SLC4A7: variants seen among roughly 807,000 people sequenced by gnomAD.
SLC4A7 encodes the protein sodium bicarbonate cotransporter 3.
SLC4A7 carries 51 observed loss-of-function variants against 137.6 expected under a neutral mutation model. The ratio of observed to expected loss-of-function variants is 0.37; its 90% CI spans 0.30 to 0.47. The LOEUF (loss-of-function observed/expected upper bound fraction) is 0.47. Among genes scored for constraint, SLC4A7 ranks in the 20% least tolerant of loss-of-function variants. The pLI is 1.00. For synonymous variants in SLC4A7, 542 were observed against 518.6 expected, an observed-to-expected ratio of 1.05 and a Z score of -0.61; for missense variants, 1,247 against 1,525.4, an observed-to-expected ratio of 0.82 and a Z score of 3.04.
At chr3:27,465,700 C>T (rs988117897) in intron 1 of SLC4A7, among the ~76,000 whole-genome samples, 18 of 151,918 alleles carry the variant, frequency 1.2e-4, no homozygotes, top group Admixed American at 1.3e-4. Flanking sequence ...TGGCTCACGC[C>T]TGTAATCCCA....
chr3:27,450,372 T>C (rs965722818), intron 2 of SLC4A7, among the ~76,000 whole-genome samples: 1 of 152,178 alleles, frequency 6.6e-6, no homozygotes, highest in Non-Finnish European at 1.5e-5. Flanking sequence ...GTGGTGTTGG[T>C]TGCATAATAT....
chr3:27,392,129 T>C (rs2051621964), intron 20 of SLC4A7, among the ~76,000 whole-genome samples: 1 of 152,310 alleles, frequency 6.6e-6, no homozygotes, highest in African/African-American at 2.4e-5. Context: ...TGACTTCAAA[T>C]ACATAAAACA....
In SLC4A7 at chr3:27,373,566, A is replaced by G. The variant is rs1346162028; in HGVS notation, c.*3198T>C. 6.6e-6 allele frequency: 1 copy of G among 152,176 alleles called. No homozygotes were observed. Among genetic ancestry groups the G allele is most frequent in the East Asian group, 1.9e-4 (1 of 5,208 alleles). The allele number at this position is 152,176 out of a possible 1,614,324, so 9.4% of individuals were successfully genotyped here. On this transcript the variant is annotated 3_prime_UTR_variant, in exon 26 of 26. Coordinates refer to ENST00000454389, the MANE Select transcript of SLC4A7 (RefSeq NM_001321103.2). ...CACAGTTGAAATCTGAGCACTTTAA[A>G]ACAGGATTCACATGTTAAACTGCTG...
chr3:27,420,871 A>G, intron 9 of SLC4A7, 84 bp from the exon 10 acceptor site: 5 of 901,546 alleles, frequency 5.5e-6, no homozygotes, highest in Non-Finnish European at 8.6e-6. Context: ...AACCATTCAA[A>G]TATAAACAAA....
chr3:27,374,512 A>C lies in SLC4A7; in HGVS notation c.*2252T>G, dbSNP rs1266834715. The C allele has an allele frequency of 6.6e-6, 1 of 152,510 alleles. No homozygotes were observed. The highest frequency in any genetic ancestry group is 1.5e-5 in the Non-Finnish European group (1 of 67,920). The allele number at this position is 152,510 out of a possible 1,614,324, so 9.4% of individuals were successfully genotyped here. ...AGAAATATAATCACTTAAAACAAGCAGTTAATTACCTAAACATGAGTTACC... is the reference window on the plus strand; with the variant it reads ...AGAAATATAATCACTTAAAACAAGCCGTTAATTACCTAAACATGAGTTACC... On this transcript the variant is annotated 3_prime_UTR_variant, in exon 26 of 26. Coordinates refer to ENST00000454389, the MANE Select transcript of SLC4A7 (RefSeq NM_001321103.2).
At chr3:27,475,319 T>C (rs2059419849) in intron 1 of SLC4A7, among the ~76,000 whole-genome samples, 1 of 150,990 alleles carries the variant, frequency 6.6e-6, no homozygotes, top group Non-Finnish European at 1.5e-5. Flanking sequence ...ATACACAGTA[T>C]TCTACCTGAT....
intron 1 of SLC4A7, among the ~76,000 whole-genome samples, chr3:27,479,157 G>A (rs1207165733): frequency 2.0e-5 from 3 of 152,238 alleles, no homozygotes; most frequent in Non-Finnish European, 4.4e-5. Context: ...GCTCACGCCT[G>A]TAATCCCAGC....
At chr3:27,473,302 C>G (rs1445606375) in intron 1 of SLC4A7, among the ~76,000 whole-genome samples, 2 of 151,934 alleles carry the variant, frequency 1.3e-5, no homozygotes, top group East Asian at 3.9e-4. Context: ...ATAGCAAGAC[C>G]TCATCTCTTA....
rs138421293 is a variant in SLC4A7, at chr3:27,458,785, T to A, written c.61-6287A>T. 4.3e-4 allele frequency among the ~76,000 whole-genome samples: 66 copies of A among 152,162 alleles called. No individual in the cohort carries two copies. The Middle Eastern group carries it at 0.01, about 24-fold the overall frequency. On this transcript the variant is annotated intron_variant, in intron 1 of 25. Transcript: ENST00000454389. ...GTGGGCAGATTACCTGAGGTCAGGT[T>A]CAAGACCAGCCTGGCCAACGTGGTG...
chr3:27,402,452 C>A (rs1404551917), intron 15 of SLC4A7, among the ~76,000 whole-genome samples: 1 of 152,120 alleles, frequency 6.6e-6, no homozygotes, highest in Non-Finnish European at 1.5e-5. Flanking sequence ...GTAATCCCAG[C>A]ACTTTGGGAG....
intron 13 of SLC4A7, among the ~76,000 whole-genome samples, chr3:27,405,838 A>C (rs566047835): frequency 1.3e-5 from 2 of 152,332 alleles, no homozygotes; most frequent in African/African-American, 4.8e-5. Flanking sequence ...AAGATAGAGA[A>C]AATGAAAGAC....
chr3:27,409,953 C>A (rs2053746760), intron 12 of SLC4A7, among the ~76,000 whole-genome samples: 1 of 152,098 alleles, frequency 6.6e-6, no homozygotes, highest in Non-Finnish European at 1.5e-5. Flanking sequence ...AATTATTATC[C>A]AAATACACTT....
chr3:27,389,828 A>T, intron 22 of SLC4A7, 103 bp downstream of exon 22: 1 of 873,272 alleles, frequency 1.1e-6, no homozygotes, highest in Non-Finnish European at 1.7e-6. Context: ...TAAGGTACTT[A>T]AAACGCATTA....
At chr3:27,443,032 C>T (rs11707779) in intron 3 of SLC4A7, among the ~76,000 whole-genome samples, 66,599 of 104,954 alleles carry the variant, frequency 0.63, 20,470 homozygotes, top group East Asian at 0.9. Flanking sequence ...TTCTTTTTTT[C>T]TTTTTTTTTT....
At chr3:27,413,276 A>C (rs1005492887) in intron 11 of SLC4A7, among the ~76,000 whole-genome samples, 1 of 152,212 alleles carries the variant, frequency 6.6e-6, no homozygotes, top group East Asian at 1.9e-4. Context: ...AAGAAGAAAT[A>C]AGCTAATTGT....
chr3:27,418,669 T>C (rs995736510), intron 10 of SLC4A7, 37 bp from the exon 11 acceptor site: 8 of 1,350,558 alleles, frequency 5.9e-6, no homozygotes, highest in Admixed American at 4.1e-5. Flanking sequence ...GATTTTAAAG[T>C]TGAAAAAAAT....
chr3:27,386,201 TAA>T (rs34806095), intron 22 of SLC4A7, among the ~76,000 whole-genome samples, 178 bp from the exon 23 acceptor site: 58,302 of 141,298 alleles, frequency 0.41, 12,202 homozygotes, highest in African/African-American at 0.54. Flanking sequence ...TACTTTGTGC[TAA>T]AAAAAAAAAA....
intron 8 of SLC4A7, among the ~76,000 whole-genome samples, chr3:27,422,122 T>C (rs142293654): frequency 6.6e-6 from 1 of 152,178 alleles, no homozygotes; most frequent in Non-Finnish European, 1.5e-5. Flanking sequence ...TTATACACAG[T>C]GCTAAAAAAT....
At chr3:27,483,507 C>A (rs1387023593) in intron 1 of SLC4A7, among the ~76,000 whole-genome samples, 1 of 152,182 alleles carries the variant, frequency 6.6e-6, no homozygotes, top group African/African-American at 2.4e-5. Context: ...TCCACGCGGC[C>A]GGAGAACTCA....
Sources: allele counts gnomAD v4.1 joint callset (sites outside exome capture counted in the v4.1 genomes callset), GRCh38; gene constraint gnomAD v4.1.1; transcripts MANE v1.5; gene names NCBI Gene and HGNC (gene_info 2026-07-23, HGNC 2026-07-21).